SVEP1: variants seen among roughly 807,000 people sequenced by gnomAD.
The protein encoded by SVEP1 is sushi, von Willebrand factor type A, EGF and pentraxin domain-containing protein 1.
In SVEP1, 164 loss-of-function variants were observed where a neutral mutation model predicts 367.3. The observed-to-expected ratio is 0.45, with a 90% CI of 0.39 to 0.51. SVEP1 has a LOEUF of 0.51. SVEP1 is among the 20% of genes least tolerant of loss of function. The pLI, the probability that SVEP1 is intolerant of heterozygous loss-of-function variation, is 0.00. For missense variants in SVEP1, 4,117 were observed against 4,425.3 expected (o/e 0.93, Z 1.98); for synonymous variants, 1,666 against 1,611.6 (o/e 1.03, Z -0.81).
intron 3 of SVEP1, among the ~76,000 whole-genome samples, chr9:110,534,075 T>C (rs556614025): frequency 3.3e-5 from 5 of 152,256 alleles, no homozygotes; most frequent in Admixed American, 2.6e-4. Context: ...GTTTGTTATA[T>C]AGGTAAACTC....
At chr9:110,379,878 T>C (rs1827408348) in intron 43 of SVEP1, among the ~76,000 whole-genome samples, 1 of 152,230 alleles carries the variant, frequency 6.6e-6, no homozygotes, top group South Asian at 2.1e-4. Flanking sequence ...ATGATGATTG[T>C]AGTCTACTGT....
chr9:110,460,376 A>G (rs1244037457), intron 18 of SVEP1, among the ~76,000 whole-genome samples: 2 of 152,198 alleles, frequency 1.3e-5, no homozygotes, highest in Non-Finnish European at 2.9e-5. Context: ...TAAAAAGTAT[A>G]ACGTGTATTA....
chr9:110,521,964 T>C (rs1030507828), intron 3 of SVEP1, among the ~76,000 whole-genome samples: 1 of 152,308 alleles, frequency 6.6e-6, no homozygotes, highest in South Asian at 2.1e-4. Context: ...AACATTTTTT[T>C]CCCTTAAATA....
chr9:110,465,815 A>G, intron 18 of SVEP1, 50 bp downstream of exon 18: 1 of 1,576,450 alleles, frequency 6.3e-7, no homozygotes, highest in Non-Finnish European at 8.6e-7. Flanking sequence ...TCCTTCATGC[A>G]TAGAACCTAG....
At chr9:110,375,499 G>C (rs1384711880) in intron 45 of SVEP1, 36 bp from the exon 46 acceptor site, 4 of 1,482,960 alleles carry the variant, frequency 2.7e-6, no homozygotes, top group East Asian at 2.5e-5. Flanking sequence ...AAGGAGGCAG[G>C]GGGGATTGAA....
rs560779482 is a variant in SVEP1 at position 110,382,782 on chromosome 9, A to G, written c.10237+3116T>C. ...CATTCCTTTCATTCTTTGTTCTCTA[A>G]TCTTGTCTGCCTTATTTCAGCAAGA... is the stretch of plus-strand genomic sequence containing the variant. On this transcript the variant is annotated intron_variant, in intron 43 of 47. Coordinates refer to ENST00000374469, the MANE Select transcript of SVEP1 (RefSeq NM_153366.4). Among the ~76,000 whole-genome samples the G allele has an allele frequency of 5.5e-4, 84 of 152,144 alleles. 1 individual carries two copies. The highest frequency in any genetic ancestry group is 2.0e-3 in the African/African-American group (81 of 41,496).
chr9:110,438,936 G>C (rs1053210185), intron 27 of SVEP1, among the ~76,000 whole-genome samples: 8 of 152,218 alleles, frequency 5.3e-5, no homozygotes, highest in South Asian at 2.1e-4. Flanking sequence ...ATTCAACATA[G>C]ACCTTAAACT....
At chr9:110,368,341 A>G (rs1391228235) in intron 47 of SVEP1, among the ~76,000 whole-genome samples, 1 of 152,160 alleles carries the variant, frequency 6.6e-6, no homozygotes, top group Non-Finnish European at 1.5e-5. Flanking sequence ...GAATTACAGT[A>G]TATACAGGAG....
chr9:110,388,704 CATGCCT>C (rs1309002416), intron 41 of SVEP1, among the ~76,000 whole-genome samples: 1 of 152,156 alleles, frequency 6.6e-6, no homozygotes. Flanking sequence ...CATGGTGGCT[CATGCCT>C]ATAATCCCAG....
intron 3 of SVEP1, among the ~76,000 whole-genome samples, chr9:110,541,822 TATATATATCTATATAC>T (rs1410471279): frequency 1.4e-4 from 20 of 142,188 alleles, no homozygotes; most frequent in African/African-American, 2.3e-4. Context: ...CATAGATATC[TATATATATCTATATAC>T]ATAGATATCT....
At position 110,546,235 on chromosome 9, in the gene SVEP1, C is replaced by T; in HGVS notation, c.844G>A (p.Asp282Asn). Reference protein sequence around the residue: ...DDMVHCSYLCDEGKDCCDRMG... With the variant: ...DDMVHCSYLCNEGKDCCDRMG... Reference sequence around the variant, plus strand: ...CGGTCACAGCAGTCCTTGCCTTCATCACAAAGATATGAGCAGTGGACCATA... The same window carrying T: ...CGGTCACAGCAGTCCTTGCCTTCATTACAAAGATATGAGCAGTGGACCATA... Residue 282 changes from aspartate (D) to asparagine (N), a missense_variant, in exon 3 of 48, where the codon GAT (aspartate) becomes AAT (asparagine). Transcript: ENST00000374469. 1 of 1,590,938 alleles carries T rather than the reference C, an allele frequency of 6.3e-7. No individual in the cohort carries two copies. Among genetic ancestry groups the T allele is most frequent in the Non-Finnish European group, 8.6e-7 (1 of 1,168,254 alleles).
At chr9:110,386,174 A>ATAATGATCATAT (rs1827519158) in intron 42 of SVEP1, 100 bp from the exon 43 acceptor site, 1 of 1,288,658 alleles carries the variant, frequency 7.8e-7, no homozygotes, top group African/African-American at 1.5e-5. Flanking sequence ...TGGGTTCTCA[A>ATAATGATCATAT]TAATGATCAT....
At chr9:110,392,484 C>A (rs1489161225) in intron 40 of SVEP1, among the ~76,000 whole-genome samples, 2 of 152,108 alleles carry the variant, frequency 1.3e-5, no homozygotes, top group East Asian at 3.9e-4. Flanking sequence ...TCCAGAGACA[C>A]ATAATGTCTG....
chr9:110,445,773 T>C (rs987765256), intron 26 of SVEP1, 64 bp downstream of exon 26: 196 of 1,565,496 alleles, frequency 1.3e-4, no homozygotes, highest in Non-Finnish European at 1.7e-4. Context: ...CCATCCTCAA[T>C]GTCAGTTCTA....
In SVEP1 at chr9:110,404,512, A is replaced by ATGTATC. The variant is rs1296123987; in HGVS notation, c.9475_9480dup (p.Asp3159_Thr3160dup). 6.2e-7 allele frequency: 1 copy of ATGTATC among 1,613,860 alleles called. No individual in the cohort carries two copies. Among genetic ancestry groups the ATGTATC allele is most frequent in the Non-Finnish European group, 8.5e-7 (1 of 1,179,828 alleles). ...CAGCGACCATCTTTCTGACAGGTGA[A>ATGTATC]TGTATCTGTATCTGTATCCATCGTA... On this transcript the variant is annotated inframe_insertion, in exon 39 of 48. Coordinates refer to ENST00000374469, the MANE Select transcript of SVEP1 (RefSeq NM_153366.4).
At chr9:110,389,500 G>A (rs1482879004) in intron 41 of SVEP1, 24 bp downstream of exon 41, 5 of 1,610,244 alleles carry the variant, frequency 3.1e-6, no homozygotes, top group Admixed American at 1.7e-5. Flanking sequence ...CATTTTGGGG[G>A]CTGCTAAGTG....
intron 3 of SVEP1, among the ~76,000 whole-genome samples, chr9:110,541,289 C>T (rs1252653688): frequency 6.6e-6 from 1 of 152,032 alleles, no homozygotes; most frequent in Non-Finnish European, 1.5e-5. Context: ...TTAAACTTGT[C>T]ATTGACCTGA....
chr9:110,463,646 GA>G (rs1828893994), intron 18 of SVEP1, among the ~76,000 whole-genome samples: 1 of 148,230 alleles, frequency 6.7e-6, no homozygotes, highest in Non-Finnish European at 1.5e-5. Flanking sequence ...AAGAAAGAAA[GA>G]AAGGCTGATG....
intron 6 of SVEP1, among the ~76,000 whole-genome samples, chr9:110,501,359 A>G (rs548678019): frequency 6.6e-6 from 1 of 151,644 alleles, no homozygotes; most frequent in East Asian, 1.9e-4. Context: ...TTTGAATGTC[A>G]TATTTTACCA....
Sources: allele counts gnomAD v4.1 joint callset (sites outside exome capture counted in the v4.1 genomes callset), GRCh38; gene constraint gnomAD v4.1.1; transcripts MANE v1.5; gene names NCBI Gene and HGNC (gene_info 2026-07-23, HGNC 2026-07-21).